Variants in MAN1B1 observed in about 807,000 individuals in gnomAD.
MAN1B1 encodes mannosidase alpha class 1B member 1.
In MAN1B1, 66 loss-of-function variants were observed where a neutral mutation model predicts 75.5. That is an observed-to-expected ratio of 0.87 (90% CI 0.72 to 1.07). The LOEUF (loss-of-function observed/expected upper bound fraction) is 1.07, where lower values mean the gene tolerates loss of function less well. MAN1B1 is among the 50% of genes least tolerant of loss of function. The probability of loss-of-function intolerance (pLI) is 0.00; values close to 1 mark genes in which losing one functional copy is unlikely to be tolerated. For synonymous variants in MAN1B1, 453 were observed against 382.8 expected, an observed-to-expected ratio of 1.18 and a Z score of -2.14; for missense variants, 973 against 912.5, an observed-to-expected ratio of 1.07 and a Z score of -0.85.
chr9:137,106,226 C>T lies in MAN1B1; in HGVS notation c.1356C>T (p.His452=). Residue 452 remains histidine (H), a synonymous_variant, in exon 9 of 13, where the codon CAC becomes CAT. Coordinates refer to ENST00000371589, the MANE Select transcript of MAN1B1 (RefSeq NM_016219.5). ...ATACCCACAGTGGCCTCTTCACCCA[C>T]CTGGGCGTATTCACGCTGGGCGCCA... ...FINTHSGLFT[H]LGVFTLGARA... is the part of the protein sequence containing the mutation. 1.2e-6 allele frequency: 2 copies of T among 1,607,230 alleles called. No homozygotes were observed. The highest frequency in any genetic ancestry group is 2.2e-5 in the East Asian group (1 of 44,714).
Position 137,095,900 on chromosome 9 carries a change from C to T in MAN1B1, c.466-337C>T, listed in dbSNP as rs1227076610. Reference sequence around the variant, plus strand: ...CTGCCTCACTTTGCAGATGACTGTGCGGGAGGCCTGGGGACCCAGAGGTGT... The same window carrying T: ...CTGCCTCACTTTGCAGATGACTGTGTGGGAGGCCTGGGGACCCAGAGGTGT... On this transcript the variant is annotated intron_variant, in intron 3 of 12. Coordinates refer to ENST00000371589, the MANE Select transcript of MAN1B1 (RefSeq NM_016219.5). Among the ~76,000 whole-genome samples, 4 of 152,240 alleles carry T rather than the reference C, an allele frequency of 2.6e-5. No individual in the cohort carries two copies. The East Asian group carries it at 5.8e-4, about 22-fold the overall frequency.
intron 10 of MAN1B1, 195 bp from the exon 11 acceptor site, chr9:137,107,055 G>A (rs958780621): frequency 2.5e-5 from 19 of 758,500 alleles, no homozygotes; most frequent in East Asian, 1.6e-4. Context: ...GCAGGTCCTC[G>A]GGCGGTGTGT....
At chr9:137,104,921 G>T (rs958017541) in intron 8 of MAN1B1, 1 of 151,460 alleles carries the variant, frequency 6.6e-6, no homozygotes, top group African/African-American at 2.5e-5. Flanking sequence ...GCTGTGGCGC[G>T]ATCTCGGCTC....
chr9:137,088,254 T>C (rs1224350458), intron 2 of MAN1B1, 71 bp downstream of exon 2: 2 of 1,613,520 alleles, frequency 1.2e-6, no homozygotes, highest in Non-Finnish European at 1.7e-6. Flanking sequence ...AATCTTGCAT[T>C]CTACCTTAAA....
intron 3 of MAN1B1, among the ~76,000 whole-genome samples, chr9:137,092,804 C>T (rs551502000): frequency 6.6e-6 from 1 of 152,260 alleles, no homozygotes; most frequent in South Asian, 2.1e-4. Context: ...GCCTGCTTTT[C>T]GTGGATGCTT....
At chr9:137,095,806 G>A (rs1025739114) in intron 3 of MAN1B1, among the ~76,000 whole-genome samples, 10 of 152,166 alleles carry the variant, frequency 6.6e-5, no homozygotes, top group African/African-American at 2.4e-4. Context: ...AGCAGGGGGC[G>A]CCTGGCAAGG....
intron 8 of MAN1B1, 71 bp downstream of exon 8, chr9:137,101,743 GT>G: frequency 2.4e-6 from 2 of 848,700 alleles, no homozygotes; most frequent in Non-Finnish European, 3.2e-6. Flanking sequence ...AGCAGGTACT[GT>G]GTGTGTGTGT....
At chr9:137,096,111 T>C in intron 3 of MAN1B1, 126 bp from the exon 4 acceptor site, 2 of 1,004,916 alleles carry the variant, frequency 2.0e-6, no homozygotes, top group Non-Finnish European at 3.1e-6. Flanking sequence ...AAAACGAAAG[T>C]AATTTAGTCA....
intron 8 of MAN1B1, chr9:137,102,535 C>T (rs796251764): frequency 6.0e-5 from 25 of 416,722 alleles, no homozygotes; most frequent in Non-Finnish European, 2.4e-5. Context: ...TGCAGGCGTG[C>T]AGGTCGGTGG....
At chr9:137,087,359 C>A in intron 1 of MAN1B1, 141 bp downstream of exon 1, 1 of 1,016,974 alleles carries the variant, frequency 9.8e-7, no homozygotes, top group Non-Finnish European at 1.4e-6. Flanking sequence ...CAAAAAGGGG[C>A]AAATGTGCGT....
At position 137,101,120 on chromosome 9, in the gene MAN1B1, C is replaced by T; in HGVS notation, c.1032C>T (p.His344=). The T allele has an allele frequency of 6.2e-7, 1 of 1,614,114 alleles. No homozygotes were observed. Among genetic ancestry groups the T allele is most frequent in the Non-Finnish European group, 8.5e-7 (1 of 1,180,038 alleles). Residue 344 remains histidine, a synonymous_variant, in exon 7 of 13, where the codon CAC becomes CAT. Transcript: ENST00000371589. ...RILGGLLSAY[H]LSGDSLFLRK... ...TGGGGGGGCTCCTGAGTGCCTACCA[C>T]CTGTCTGGGGACAGCCTCTTCCTGA...
At chr9:137,105,915 A>G in intron 8 of MAN1B1, 1 of 690,056 alleles carries the variant, frequency 1.4e-6, no homozygotes. Context: ...AGTGACATTC[A>G]GGTGCGTTGC....
Position 137,106,092 on chromosome 9 carries a change from C to G in MAN1B1, c.1255-33C>G, listed in dbSNP as rs114053656. ...AGCTCACCCTGCAGCTCGGCCCTGGCCAGTAAACCCACCATCCCCCTTTCT... is the reference window on the plus strand; with the variant it reads ...AGCTCACCCTGCAGCTCGGCCCTGGGCAGTAAACCCACCATCCCCCTTTCT... On this transcript the variant is annotated intron_variant, in intron 8 of 12. Transcript: ENST00000371589. 5,211 of 1,582,618 alleles carry G rather than the reference C, an allele frequency of 3.3e-3. 54 individuals are homozygous for G. The highest frequency in any genetic ancestry group is 0.024 in the African/African-American group (1,768 of 74,402).
intron 3 of MAN1B1, among the ~76,000 whole-genome samples, chr9:137,095,632 C>A (rs1312698187): frequency 6.6e-6 from 1 of 152,196 alleles, no homozygotes; most frequent in African/African-American, 2.4e-5. Context: ...GGATTTGCCT[C>A]TAGACTCACG....
intron 6 of MAN1B1, 110 bp from the exon 7 acceptor site, chr9:137,100,895 C>A: frequency 8.0e-7 from 1 of 1,250,636 alleles, no homozygotes; most frequent in Non-Finnish European, 1.2e-6. Context: ...GCTGGGATTA[C>A]AGGCATGAGC....
chr9:137,099,296 C>G (rs1830742174), intron 5 of MAN1B1, among the ~76,000 whole-genome samples: 1 of 152,274 alleles, frequency 6.6e-6, no homozygotes, highest in Non-Finnish European at 1.5e-5. Context: ...GCACCACACT[C>G]ACCCACGTCT....
At chr9:137,106,546 A>G in intron 9 of MAN1B1, 143 bp from the exon 10 acceptor site, 2 of 1,349,590 alleles carry the variant, frequency 1.5e-6, no homozygotes, top group East Asian at 2.3e-5. Flanking sequence ...ACTGAGGGCC[A>G]TGGGCTGTGC....
In MAN1B1 at chr9:137,106,188, C is replaced by T. The variant is rs753508131; in HGVS notation, c.1318C>T (p.Pro440Ser). Residue 440 changes from proline to serine, a missense_variant, in exon 9 of 13, where the codon CCC (proline) becomes TCC (serine). Coordinates refer to ENST00000371589, the MANE Select transcript of MAN1B1 (RefSeq NM_016219.5). ...GTCTGGGAAGAAGGATGGGCTGGTG[C>T]CCATGTTCATCAATACCCACAGTGG... ...GLSGKKDGLV[P>S]MFINTHSGLF... 5.6e-6 allele frequency: 9 copies of T among 1,612,422 alleles called. No individual in the cohort carries two copies. In the Admixed American group the frequency reaches 8.3e-5, roughly 15 times the overall value.
chr9:137,091,521 ATT>A (rs964752016), intron 3 of MAN1B1, among the ~76,000 whole-genome samples: 337 of 89,886 alleles, frequency 3.7e-3, no homozygotes, highest in African/African-American at 6.9e-3. Flanking sequence ...TTTGTTTTAT[ATT>A]TTTTTTTTTT....
Sources: allele counts gnomAD v4.1 joint callset (sites outside exome capture counted in the v4.1 genomes callset), GRCh38; gene constraint gnomAD v4.1.1; transcripts MANE v1.5; gene names NCBI Gene and HGNC (gene_info 2026-07-23, HGNC 2026-07-21).